The following MTA3 variants were observed in gnomAD, a reference collection of about 807,000 sequenced individuals.
MTA3 encodes the protein metastasis associated 1 family member 3.
A neutral mutation model predicts 83.5 loss-of-function variants in MTA3; 34 were observed. That is an observed-to-expected ratio of 0.41 (90% CI 0.31 to 0.54). The LOEUF is 0.54. MTA3 is among the 20% of genes least tolerant of loss of function. The pLI is 0.33. For synonymous variants in MTA3, 303 were observed against 252.7 expected, an observed-to-expected ratio of 1.20 and a Z score of -1.89; for missense variants, 761 against 726.4, an observed-to-expected ratio of 1.05 and a Z score of -0.55.
chr2:42,653,015 G>C (rs937062582), intron 6 of MTA3, among the ~76,000 whole-genome samples: 2 of 152,154 alleles, frequency 1.3e-5, no homozygotes, highest in African/African-American at 4.8e-5. Context: ...CAGAGTATTT[G>C]AACAACACTG....
intron 2 of MTA3, among the ~76,000 whole-genome samples, chr2:42,532,337 C>T (rs1676017464): frequency 6.6e-6 from 1 of 152,026 alleles, no homozygotes; most frequent in Non-Finnish European, 1.5e-5. Context: ...ATGGTGAACC[C>T]CATCTCTACT....
chr2:42,520,030 C>T (rs1422058598), intron 2 of MTA3, among the ~76,000 whole-genome samples: 2 of 152,164 alleles, frequency 1.3e-5, no homozygotes, highest in East Asian at 3.8e-4. Context: ...TGATAAGAGC[C>T]AGACCTTGTC....
At position 42,726,739 on chromosome 2, in the gene MTA3, CG is replaced by C. The variant is rs1160578741; in HGVS notation, c.1759+3706del. Among the ~76,000 whole-genome samples, 3 of 152,290 alleles carry C rather than the reference CG, an allele frequency of 2.0e-5. No homozygotes were observed. In the East Asian group the frequency reaches 5.8e-4, roughly 29 times the overall value. On this transcript the variant is annotated intron_variant, in intron 16 of 16. Transcript: ENST00000405094. ...CTTCTTATTTCCTCCCTGAAAATCACGGTCTTTCCTGGCCCTGATGAAGGCC... is the reference window on the plus strand; with the variant it reads ...CTTCTTATTTCCTCCCTGAAAATCACGTCTTTCCTGGCCCTGATGAAGGCC...
intron 2 of MTA3, among the ~76,000 whole-genome samples, chr2:42,536,268 G>A (rs541590593): frequency 5.0e-4 from 76 of 151,864 alleles, no homozygotes; most frequent in African/African-American, 1.8e-3. Flanking sequence ...GAGGTCGGGA[G>A]TTTGAGACCA....
chr2:42,545,674 A>T (rs1338082030), intron 2 of MTA3, among the ~76,000 whole-genome samples: 1 of 152,218 alleles, frequency 6.6e-6, no homozygotes, highest in Admixed American at 6.6e-5. Context: ...GGCACATGGC[A>T]GGTTTTCAAG....
chr2:42,684,647 G>A (rs1692216789), intron 9 of MTA3, among the ~76,000 whole-genome samples: 1 of 152,146 alleles, frequency 6.6e-6, no homozygotes, highest in Middle Eastern at 3.2e-3. Context: ...ACACTGTGAG[G>A]CTCAATGAAA....
intron 2 of MTA3, among the ~76,000 whole-genome samples, chr2:42,496,608 G>GAA (rs35316146): frequency 1.6e-4 from 19 of 122,034 alleles, no homozygotes; most frequent in African/African-American, 5.0e-4. Context: ...CAGAACCTAG[G>GAA]AAAAAAAAAA....
chr2:42,524,196 G>C (rs753367199), intron 2 of MTA3, among the ~76,000 whole-genome samples: 1 of 151,898 alleles, frequency 6.6e-6, no homozygotes, highest in Admixed American at 6.6e-5. Flanking sequence ...CCTGGGCTTT[G>C]TACACTCTTC....
intron 4 of MTA3, among the ~76,000 whole-genome samples, chr2:42,614,792 T>G (rs570840335): frequency 6.6e-6 from 1 of 151,762 alleles, no homozygotes; most frequent in Non-Finnish European, 1.5e-5. Context: ...CTGGGCAACA[T>G]TGGGACACCC....
chr2:42,531,747 G>A (rs1302336106), intron 2 of MTA3, among the ~76,000 whole-genome samples: 3 of 151,388 alleles, frequency 2.0e-5, no homozygotes, highest in Non-Finnish European at 4.4e-5. Context: ...CACTGGGCCC[G>A]GCCAAAATCC....
intron 2 of MTA3, among the ~76,000 whole-genome samples, chr2:42,539,291 T>G (rs972950581): frequency 6.6e-6 from 1 of 152,098 alleles, no homozygotes; most frequent in Non-Finnish European, 1.5e-5. Flanking sequence ...TCCGCAGGGC[T>G]GGGGAGGCTT....
intron 2 of MTA3, among the ~76,000 whole-genome samples, chr2:42,525,333 G>C (rs143531505): frequency 1.3e-3 from 196 of 152,092 alleles, no homozygotes; most frequent in Admixed American, 2.4e-3. Context: ...CTGAGTAGCT[G>C]GGATTACAGG....
intron 16 of MTA3, among the ~76,000 whole-genome samples, chr2:42,724,331 C>CACGT (rs1667658793): frequency 6.9e-6 from 1 of 144,870 alleles, no homozygotes; most frequent in Non-Finnish European, 1.5e-5. Flanking sequence ...CACACACACA[C>CACGT]GTATATATTC....
At position 42,755,665 on chromosome 2, in the gene MTA3, T is replaced by C; in HGVS notation, c.*2266T>C. The C allele has an allele frequency of 3.0e-6, 3 of 985,520 alleles. No individual in the cohort carries two copies. The highest frequency in any genetic ancestry group is 3.6e-6 in the Non-Finnish European group (3 of 829,998). 61.0% of individuals were successfully genotyped at this position (985,520 alleles called of 1,614,324 possible). On this transcript the variant is annotated 3_prime_UTR_variant, in exon 17 of 17. Transcript: ENST00000405094. Reference sequence around the variant, plus strand: ...AGGAAGGGTGCCGAGGCGCCTCTAGTCTGTGCCTTTGCCGTTGGAAGCATT... The same window carrying C: ...AGGAAGGGTGCCGAGGCGCCTCTAGCCTGTGCCTTTGCCGTTGGAAGCATT...
chr2:42,548,342 T>A (rs1287538542), intron 2 of MTA3, among the ~76,000 whole-genome samples: 1 of 152,126 alleles, frequency 6.6e-6, no homozygotes, highest in South Asian at 2.1e-4. Context: ...GGTACTCACC[T>A]GCGATCCCAG....
At chr2:42,550,796 C>T (rs1677072214) in intron 2 of MTA3, among the ~76,000 whole-genome samples, 1 of 152,254 alleles carries the variant, frequency 6.6e-6, no homozygotes, top group East Asian at 1.9e-4. Context: ...AATCCCAGCA[C>T]TTTGGGAGGC....
chr2:42,745,228 G>A (rs1485262048), intron 16 of MTA3, among the ~76,000 whole-genome samples: 2 of 152,216 alleles, frequency 1.3e-5, no homozygotes, highest in African/African-American at 4.8e-5. Flanking sequence ...CAGACTTGAA[G>A]TTAACTTTGT....
At chr2:42,664,735 A>C (rs1342946675) in intron 8 of MTA3, among the ~76,000 whole-genome samples, 2 of 152,118 alleles carry the variant, frequency 1.3e-5, no homozygotes, top group African/African-American at 2.4e-5. Context: ...AGGCCTGCAG[A>C]GAGGGCAGGG....
At position 42,552,383 on chromosome 2, in the gene MTA3, C is replaced by T. The variant is rs917326637; in HGVS notation, c.-140-18054C>T. 4.6e-5 allele frequency among the ~76,000 whole-genome samples: 7 copies of T among 152,138 alleles called. No individual in the cohort carries two copies. The East Asian group carries it at 1.3e-3, about 29-fold the overall frequency. On this transcript the variant is annotated intron_variant, in intron 2 of 17. Transcript: ENST00000405592. ...ATACAAGTGAATCTGAGCTCATCAG[C>T]AAATTTAGAGCAGACTATGAAGATG...
Sources: gnomAD v4.1 joint callset for allele counts (sites outside exome capture counted in the v4.1 genomes callset) on GRCh38, gnomAD v4.1.1 for gene constraint, MANE v1.5 for transcripts, NCBI Gene and HGNC (gene_info 2026-07-23, HGNC 2026-07-21) for gene names.